Variants in RBM19 observed in about 807,000 individuals in gnomAD.
The protein encoded by RBM19 is RNA binding motif protein 19.
A neutral mutation model predicts 116.8 loss-of-function variants in RBM19; 94 were observed. That is an observed-to-expected ratio of 0.80 (90% CI 0.68 to 0.95). The LOEUF (loss-of-function observed/expected upper bound fraction) is 0.95. RBM19 is among the 40% of genes least tolerant of loss of function. RBM19 has a pLI of 0.00. For missense variants in RBM19, 1,161 were observed against 1,220.7 expected, an observed-to-expected ratio of 0.95 and a Z score of 0.73; for synonymous variants, 475 against 494.1, an observed-to-expected ratio of 0.96 and a Z score of 0.51.
At chr12:113,964,207 T>A (rs777476338) in intron 1 of RBM19, among the ~76,000 whole-genome samples, 4 of 152,240 alleles carry the variant, frequency 2.6e-5, no homozygotes, top group Non-Finnish European at 4.4e-5. Flanking sequence ...CTCAATTCAA[T>A]CCCTGCTCTA....
At position 113,940,063 on chromosome 12, in the gene RBM19, C is replaced by A; in HGVS notation, c.1835G>T (p.Ser612Ile). Residue 612 changes from serine to isoleucine, a missense_variant, in exon 15 of 24, where the codon AGC (serine) becomes ATC (isoleucine). Coordinates refer to ENST00000261741, the MANE Select transcript of RBM19 (RefSeq NM_016196.4). ...CTCTGGCAGCAGCACGCGGCCCAGGCTGCCAAAATGGCCGAAGGTCTCCTG... is the reference window on the plus strand; with the variant it reads ...CTCTGGCAGCAGCACGCGGCCCAGGATGCCAAAATGGCCGAAGGTCTCCTG... ...QLQETFGHFG[S>I]LGRVLLPEGG... The A allele has an allele frequency of 2.5e-6, 4 of 1,614,100 alleles. No homozygotes were observed. The highest frequency in any genetic ancestry group is 3.4e-6 in the Non-Finnish European group (4 of 1,179,982).
intron 23 of RBM19, among the ~76,000 whole-genome samples, chr12:113,840,166 C>G (rs1012699709): frequency 6.6e-6 from 1 of 152,214 alleles, no homozygotes; most frequent in Non-Finnish European, 1.5e-5. Flanking sequence ...TTGCTGTATT[C>G]TACAGAGGGT....
In RBM19 at chr12:113,948,934, T is replaced by C. The variant is rs779913568; in HGVS notation, c.1175A>G (p.Asn392Ser). 9.3e-6 allele frequency: 15 copies of C among 1,614,208 alleles called. No homozygotes were observed. The Admixed American group carries it at 2.3e-4, about 25-fold the overall frequency. The change falls in exon 10 of 24, where the codon AAC (asparagine) becomes AGC (serine). Residue 392 changes from asparagine to serine, a missense_variant. Transcript: ENST00000261741. ...KSWQGRILGE[N>S]EEEEDLAESG... is the part of the protein sequence containing the mutation. ...TTCGGCCAGGTCCTCCTCCTCTTCG[T>C]TCTCCCCGAGTATCCGGCCTTGCCA...
chr12:113,875,803 G>A (rs1374194528), intron 21 of RBM19, among the ~76,000 whole-genome samples: 2 of 152,188 alleles, frequency 1.3e-5, no homozygotes, highest in Non-Finnish European at 2.9e-5. Flanking sequence ...GTCAATGATC[G>A]TGTCTCTGGC....
intron 21 of RBM19, among the ~76,000 whole-genome samples, chr12:113,881,693 C>T (rs11066801): frequency 0.2 from 29,779 of 152,192 alleles, 2,979 homozygotes; most frequent in Middle Eastern, 0.23. Context: ...CAAAACGCTG[C>T]CATCTCTGCT....
chr12:113,874,476 G>GCCTCCCAGGACGCATGTGAGA (rs1203800479), intron 21 of RBM19, among the ~76,000 whole-genome samples: 3 of 152,220 alleles, frequency 2.0e-5, no homozygotes, highest in Non-Finnish European at 2.9e-5. Flanking sequence ...TGGGCGGCAG[G>GCCTCCCAGGACGCATGTGAGA]CCTCCCAGGA....
chr12:113,896,901 T>C lies in RBM19; in HGVS notation c.2558+18068A>G, dbSNP rs534320631. Among the ~76,000 whole-genome samples, 3 of 152,352 alleles carry C rather than the reference T, an allele frequency of 2.0e-5. No homozygotes were observed. In the East Asian group the frequency reaches 5.8e-4, roughly 29 times the overall value. ...AGGCCGAAAGAAATACCTAACAGTT[T>C]GTTTATTAAGTAGTTAGGGCTAAAC... On this transcript the variant is annotated intron_variant, in intron 21 of 23. Coordinates refer to ENST00000261741, the MANE Select transcript of RBM19 (RefSeq NM_016196.4).
At chr12:113,952,097 T>C (rs1322454726) in intron 8 of RBM19, among the ~76,000 whole-genome samples, 2 of 150,650 alleles carry the variant, frequency 1.3e-5, no homozygotes, top group African/African-American at 2.4e-5. Flanking sequence ...GCCTGGTTGG[T>C]TGCCCAGAGT....
intron 21 of RBM19, among the ~76,000 whole-genome samples, chr12:113,878,671 A>ACACACACACACC (rs1491206356): frequency 2.8e-5 from 4 of 141,898 alleles, no homozygotes; most frequent in African/African-American, 5.5e-5. Context: ...ACACACACAC[A>ACACACACACACC]CCCTCACTCA....
intron 21 of RBM19, among the ~76,000 whole-genome samples, chr12:113,900,206 G>A (rs1048953656): frequency 6.6e-6 from 1 of 152,192 alleles, no homozygotes; most frequent in Non-Finnish European, 1.5e-5. Flanking sequence ...CAGTGCTCAG[G>A]GTTAATTATT....
intron 1 of RBM19, among the ~76,000 whole-genome samples, chr12:113,963,878 C>T (rs1451403190): frequency 6.6e-6 from 1 of 152,232 alleles, no homozygotes; most frequent in African/African-American, 2.4e-5. Flanking sequence ...CTTTGGTTGT[C>T]CCCTCTGGGT....
At chr12:113,861,504 G>GTGTGTGTGTGTA (rs2135746177) in intron 21 of RBM19, among the ~76,000 whole-genome samples, 1 of 151,626 alleles carries the variant, frequency 6.6e-6, no homozygotes, top group Admixed American at 6.6e-5. Context: ...GTGTGTGTGT[G>GTGTGTGTGTGTA]TGTGTGTGTG....
intron 23 of RBM19, among the ~76,000 whole-genome samples, chr12:113,832,900 G>A (rs551964974): frequency 6.6e-6 from 1 of 152,246 alleles, no homozygotes; most frequent in South Asian, 2.1e-4. Context: ...TGGGGATAAC[G>A]GGCTCTCTTG....
At chr12:113,923,757 G>T (rs368998262) in intron 18 of RBM19, among the ~76,000 whole-genome samples, 2 of 152,276 alleles carry the variant, frequency 1.3e-5, no homozygotes, top group Non-Finnish European at 2.9e-5. Context: ...TGTGCTGGAC[G>T]CCTGTCCCTG....
intron 21 of RBM19, among the ~76,000 whole-genome samples, chr12:113,865,186 G>T (rs902662574): frequency 3.3e-5 from 5 of 152,142 alleles, no homozygotes; most frequent in African/African-American, 1.2e-4. Context: ...AATCCACACT[G>T]GCTTTCCCCA....
downstream of RBM19, among the ~76,000 whole-genome samples, chr12:113,820,396 T>A (rs930413019): frequency 2.0e-5 from 3 of 151,888 alleles, no homozygotes; most frequent in Non-Finnish European, 4.4e-5. Context: ...GGGAAGGGCA[T>A]CCCAGGCAGA....
At chr12:113,869,197 G>A (rs1341229739) in intron 21 of RBM19, among the ~76,000 whole-genome samples, 1 of 152,206 alleles carries the variant, frequency 6.6e-6, no homozygotes, top group Non-Finnish European at 1.5e-5. Flanking sequence ...GGAGTTCCCA[G>A]AAAAGACCTG....
chr12:113,908,992 C>G (rs1021578815), intron 21 of RBM19, among the ~76,000 whole-genome samples: 1 of 152,180 alleles, frequency 6.6e-6, no homozygotes, highest in Non-Finnish European at 1.5e-5. Context: ...TGGAGCAGTT[C>G]CAAGGGGAGC....
chr12:113,884,134 A>AACAAAAAT (rs1880356306), intron 21 of RBM19, among the ~76,000 whole-genome samples: 3 of 150,864 alleles, frequency 2.0e-5, no homozygotes, highest in Admixed American at 1.3e-4. Flanking sequence ...AAAACAAAAA[A>AACAAAAAT]CTCGCCAGGC....
Sources: gnomAD v4.1 joint callset for allele counts (sites outside exome capture counted in the v4.1 genomes callset) on GRCh38, gnomAD v4.1.1 for gene constraint, MANE v1.5 for transcripts, NCBI Gene and HGNC (gene_info 2026-07-23, HGNC 2026-07-21) for gene names.